HYCC1: variants seen among roughly 807,000 people sequenced by gnomAD.
HYCC1 encodes hyccin PI4KA lipid kinase complex subunit 1.
the HYCC1 span, among the ~76,000 whole-genome samples, chr7:22,973,839 C>T: frequency 3.3e-5 from 5 of 152,224 alleles, no homozygotes; most frequent in East Asian, 9.6e-4. Flanking sequence ...TTAGAATGTA[C>T]TACGTTAGAG....
the HYCC1 span, among the ~76,000 whole-genome samples, chr7:22,988,634 C>T: frequency 1.3e-5 from 2 of 152,094 alleles, no homozygotes; most frequent in African/African-American, 2.4e-5. Flanking sequence ...GATACATACA[C>T]ACATATGTAT....
At chr7:22,930,784 C>T in the HYCC1 span, among the ~76,000 whole-genome samples, 1 of 151,668 alleles carries the variant, frequency 6.6e-6, no homozygotes, top group Non-Finnish European at 1.5e-5. Context: ...AATTTTACAC[C>T]ATTACCAAGT....
the HYCC1 span, among the ~76,000 whole-genome samples, chr7:23,004,793 TCTA>T: frequency 1.3e-5 from 2 of 152,130 alleles, no homozygotes; most frequent in Non-Finnish European, 2.9e-5. Context: ...GGATTTCTCT[TCTA>T]CTGCTTTTTT....
the HYCC1 span, among the ~76,000 whole-genome samples, chr7:22,925,863 T>C: frequency 3.3e-5 from 5 of 151,702 alleles, no homozygotes; most frequent in African/African-American, 9.7e-5. Context: ...GAAGAACAAC[T>C]CCAAGACACA....
At chr7:22,939,455 C>T in the HYCC1 span, 1 of 151,444 alleles carries the variant, frequency 6.6e-6, no homozygotes, top group Admixed American at 6.6e-5. Flanking sequence ...ATCAATCTGA[C>T]AGGAAAAAAA....
chr7:22,947,449 A>C, the HYCC1 span, among the ~76,000 whole-genome samples: 2 of 152,130 alleles, frequency 1.3e-5, no homozygotes, highest in Non-Finnish European at 2.9e-5. Context: ...ATTTTAAATG[A>C]CAAACAAAAA....
At chr7:22,969,991 G>C in the HYCC1 span, among the ~76,000 whole-genome samples, 2 of 152,040 alleles carry the variant, frequency 1.3e-5, no homozygotes, top group African/African-American at 4.8e-5. Context: ...ACAGAACATA[G>C]GTAAGTTACT....
At chr7:23,006,432 A>G in the HYCC1 span, among the ~76,000 whole-genome samples, 1 of 151,986 alleles carries the variant, frequency 6.6e-6, no homozygotes, top group African/African-American at 2.4e-5. Flanking sequence ...ACACCTGGCT[A>G]ATTATTTTGT....
chr7:22,906,145 T>C, the HYCC1 span, among the ~76,000 whole-genome samples: 2 of 152,166 alleles, frequency 1.3e-5, no homozygotes, highest in African/African-American at 4.8e-5. Context: ...CAGAACAGCA[T>C]TGATACTTGC....
chr7:22,945,437 A>C, the HYCC1 span: 1 of 658,496 alleles, frequency 1.5e-6, no homozygotes, highest in Non-Finnish European at 2.7e-6. Context: ...CAACCTAGAC[A>C]ATCTTCCCTT....
the HYCC1 span, among the ~76,000 whole-genome samples, chr7:22,933,355 C>T: frequency 6.6e-6 from 1 of 152,118 alleles, no homozygotes; most frequent in Non-Finnish European, 1.5e-5. Flanking sequence ...GGGTTAGGTG[C>T]ATGCATGTTC....
the HYCC1 span, among the ~76,000 whole-genome samples, chr7:22,992,657 A>G: frequency 6.6e-6 from 1 of 152,116 alleles, no homozygotes; most frequent in Non-Finnish European, 1.5e-5. Context: ...GTCTGCCTGT[A>G]TCTACTTTTT....
At chr7:22,993,958 G>C in the HYCC1 span, among the ~76,000 whole-genome samples, 6 of 152,134 alleles carry the variant, frequency 3.9e-5, no homozygotes, top group African/African-American at 1.4e-4. Context: ...TTCAGAAAAT[G>C]TTCATCTGAG....
At chr7:22,970,067 A>C in the HYCC1 span, among the ~76,000 whole-genome samples, 3 of 138,656 alleles carry the variant, frequency 2.2e-5, no homozygotes, top group African/African-American at 7.8e-5. Flanking sequence ...TTTTAAACTT[A>C]CTTTATGTAA....
the HYCC1 span, among the ~76,000 whole-genome samples, chr7:22,928,676 G>A: frequency 3.8e-4 from 58 of 152,084 alleles, no homozygotes; most frequent in African/African-American, 1.2e-3. Flanking sequence ...ACTGCTCAAC[G>A]AAATAAAAGA....
At chr7:22,997,697 T>TAGGTC in the HYCC1 span, among the ~76,000 whole-genome samples, 8 of 152,156 alleles carry the variant, frequency 5.3e-5, no homozygotes, top group Admixed American at 5.2e-4. Flanking sequence ...ACTGCCTACC[T>TAGGTC]AGGTCATCAA....
the HYCC1 span, among the ~76,000 whole-genome samples, chr7:22,969,434 G>T: frequency 6.6e-6 from 1 of 150,460 alleles, no homozygotes; most frequent in Admixed American, 6.6e-5. Flanking sequence ...TCAAAGTGCT[G>T]GGATTACAGG....
At chr7:22,914,499 C>T in the HYCC1 span, among the ~76,000 whole-genome samples, 1,231 of 152,174 alleles carry the variant, frequency 8.1e-3, 20 homozygotes, top group African/African-American at 0.028. Context: ...CACTTGGCCC[C>T]GATACAAACT....
At chr7:22,985,904 A>ATGTATACATGTCTATGTATACTG in the HYCC1 span, among the ~76,000 whole-genome samples, 11 of 150,152 alleles carry the variant, frequency 7.3e-5, no homozygotes, top group Middle Eastern at 7.0e-3. Flanking sequence ...ACATAGTTAC[A>ATGTATACATGTCTATGTATACTG]TGTATACATG....
Sources: gnomAD v4.1 joint callset for allele counts (sites outside exome capture counted in the v4.1 genomes callset) on GRCh38, gnomAD v4.1.1 for gene constraint, MANE v1.5 for transcripts, NCBI Gene and HGNC (gene_info 2026-07-23, HGNC 2026-07-21) for gene names.